Variants in DSCAM observed in about 807,000 individuals in gnomAD.
DSCAM encodes DS cell adhesion molecule, also known as cell adhesion molecule DSCAM.
A neutral mutation model predicts 217.7 loss-of-function variants in DSCAM; 47 were observed. That is an observed-to-expected ratio of 0.22 (90% CI 0.17 to 0.28). The LOEUF is 0.28. DSCAM is among the 10% of genes least tolerant of loss of function. The probability of loss-of-function intolerance (pLI) is 1.00; values close to 1 mark genes in which losing one functional copy is unlikely to be tolerated. For missense variants in DSCAM, 2,080 were observed against 2,618.3 expected, an observed-to-expected ratio of 0.79 and a Z score of 4.49; for synonymous variants, 1,056 against 1,015.3, an observed-to-expected ratio of 1.04 and a Z score of -0.76.
chr21:40,055,535 A>C (rs921629997), intron 29 of DSCAM, among the ~76,000 whole-genome samples, 190 bp downstream of exon 29: 12 of 152,328 alleles, frequency 7.9e-5, no homozygotes, highest in Middle Eastern at 3.4e-3. Flanking sequence ...GGTATATATA[A>C]GTCAAATTTT....
Position 40,677,264 on chromosome 21 carries a change from A to G in DSCAM, c.508+15546T>C, listed in dbSNP as rs138704562. Among the ~76,000 whole-genome samples the G allele has an allele frequency of 1.0e-3, 157 of 152,304 alleles. 2 individuals are homozygous for G. The highest frequency in any genetic ancestry group is 5.3e-3 in the Admixed American group (81 of 15,298). ...AGCAGAGGAAACCAGGACAAATAAG[A>G]GATCAGAGAAAAGAGTGTGGCTGAA... On this transcript the variant is annotated intron_variant, in intron 3 of 32. Coordinates refer to ENST00000400454, the MANE Select transcript of DSCAM (RefSeq NM_001389.5).
At chr21:40,190,929 C>A (rs1031908312) in intron 11 of DSCAM, among the ~76,000 whole-genome samples, 1 of 152,292 alleles carries the variant, frequency 6.6e-6, no homozygotes, top group East Asian at 1.9e-4. Flanking sequence ...GATAAAGGAA[C>A]AAGATGTTAA....
intron 3 of DSCAM, among the ~76,000 whole-genome samples, chr21:40,399,641 A>G (rs2075215689): frequency 6.6e-6 from 1 of 152,242 alleles, no homozygotes; most frequent in Non-Finnish European, 1.5e-5. Flanking sequence ...CAAGCATCAT[A>G]TTAATTTAGT....
rs575632675 is a variant in DSCAM at position 40,590,914 on chromosome 21, T to C, written c.508+101896A>G. On this transcript the variant is annotated intron_variant, in intron 3 of 32. Coordinates refer to ENST00000400454, the MANE Select transcript of DSCAM (RefSeq NM_001389.5). ...CTGCCTTAGTTTGTCCAGGCTGCTA[T>C]AACAAAATGCCATGGCTTATTGATA... Among the ~76,000 whole-genome samples, 134 of 152,272 alleles carry C rather than the reference T, an allele frequency of 8.8e-4. 3 individuals carry two copies. In the Middle Eastern group the frequency reaches 0.01, roughly 12 times the overall value.
chr21:40,624,046 C>G (rs1359081997), intron 3 of DSCAM, among the ~76,000 whole-genome samples: 1 of 151,834 alleles, frequency 6.6e-6, no homozygotes, highest in African/African-American at 2.4e-5. Context: ...GTTTTTTTTG[C>G]CCTGTGTTCT....
intron 32 of DSCAM, among the ~76,000 whole-genome samples, chr21:40,015,651 G>T (rs535143222): frequency 1.3e-5 from 2 of 152,088 alleles, no homozygotes; most frequent in East Asian, 1.9e-4. Context: ...TTCCCAGGCT[G>T]GTCTCAAACT....
intron 11 of DSCAM, among the ~76,000 whole-genome samples, chr21:40,250,808 C>A (rs985079228): frequency 3.3e-5 from 5 of 152,204 alleles, no homozygotes; most frequent in Non-Finnish European, 7.3e-5. Flanking sequence ...ATTAAGCACT[C>A]TTCAATAAAG....
chr21:40,591,164 G>A (rs935582548), intron 3 of DSCAM, among the ~76,000 whole-genome samples: 8 of 152,202 alleles, frequency 5.3e-5, no homozygotes, highest in African/African-American at 1.4e-4. Context: ...ACCTTGTGAA[G>A]AAGGTGCCTT....
chr21:40,043,188 G>A (rs983127562), intron 31 of DSCAM, among the ~76,000 whole-genome samples: 3 of 152,180 alleles, frequency 2.0e-5, no homozygotes, highest in Admixed American at 6.5e-5. Flanking sequence ...CCTGGGATGC[G>A]TCTTCTGTTG....
At chr21:40,579,666 AAAGTT>A (rs2076887600) in intron 3 of DSCAM, among the ~76,000 whole-genome samples, 1 of 152,238 alleles carries the variant, frequency 6.6e-6, no homozygotes, top group South Asian at 2.1e-4. Flanking sequence ...GATTACTGAC[AAAGTT>A]AAGATCGTCG....
intron 24 of DSCAM, among the ~76,000 whole-genome samples, chr21:40,083,482 T>A (rs1408233855): frequency 4.6e-5 from 7 of 152,224 alleles, no homozygotes; most frequent in African/African-American, 1.7e-4. Context: ...ATGAACTAAT[T>A]GCAAAGGTTT....
intron 11 of DSCAM, among the ~76,000 whole-genome samples, chr21:40,272,323 C>G (rs778049965): frequency 2.6e-5 from 4 of 152,102 alleles, no homozygotes; most frequent in Admixed American, 6.5e-5. Context: ...ATTGTGATGA[C>G]AGTGTAGACT....
At chr21:40,363,336 T>G (rs1388284660) in intron 4 of DSCAM, among the ~76,000 whole-genome samples, 1 of 140,872 alleles carries the variant, frequency 7.1e-6, no homozygotes, top group Admixed American at 7.8e-5. Context: ...CACTGCAACC[T>G]CTGCCTCCTG....
Position 40,708,766 on chromosome 21 carries a change from T to A in DSCAM, c.49A>T (p.Ser17Cys), listed in dbSNP as rs749028191. ...TAGAGGCTGGAGTGTAGGTCTTCACTGAAAACTGCAAGAAGACAACACAGG... is the reference window on the plus strand; with the variant it reads ...TAGAGGCTGGAGTGTAGGTCTTCACAGAAAACTGCAAGAAGACAACACAGG... ...SLFQSFANVF[S>C]EDLHSSLYFV... The change falls in exon 2 of 33, where the codon AGT becomes TGT. Residue 17 changes from serine (S) to cysteine (C), a missense_variant. Physicochemically the swap from Ser to Cys is moderately radical, Grantham distance 112. Coordinates refer to ENST00000400454, the MANE Select transcript of DSCAM (RefSeq NM_001389.5). The A allele has an allele frequency of 6.5e-7, 1 of 1,548,826 alleles. No homozygotes were observed. The highest frequency in any genetic ancestry group is 1.3e-5 in the South Asian group (1 of 79,876).
rs755201521 is a variant in DSCAM at position 40,620,123 on chromosome 21, AAG to A, written c.508+72685_508+72686del. Among the ~76,000 whole-genome samples, 11 of 112,464 alleles carry A rather than the reference AAG, an allele frequency of 9.8e-5. No individual in the cohort carries two copies. The East Asian group carries it at 1.1e-3, about 11-fold the overall frequency. The allele number at this position is 112,464 out of a possible 152,430, so 73.8% of individuals were successfully genotyped here. A position where few individuals can be genotyped will look rare whatever the true frequency, so the allele number is the denominator to read the frequency against. On this transcript the variant is annotated intron_variant, in intron 3 of 32. Coordinates refer to ENST00000400454, the MANE Select transcript of DSCAM (RefSeq NM_001389.5). ...GAGAGAGAAAAAAGAAAAAGAAAGA[AAG>A]AGAGAGAGAAAGAGAGAGAAAAAAG...
intron 3 of DSCAM, among the ~76,000 whole-genome samples, chr21:40,578,275 C>T (rs1000337520): frequency 4.6e-5 from 7 of 152,082 alleles, no homozygotes; most frequent in African/African-American, 1.4e-4. Context: ...TTCACTGTAG[C>T]AATAGGAGGT....
chr21:40,040,497 T>G (rs1312814584), intron 32 of DSCAM, among the ~76,000 whole-genome samples: 1 of 152,152 alleles, frequency 6.6e-6, no homozygotes, highest in African/African-American at 2.4e-5. Flanking sequence ...GCATGCTATC[T>G]CAGGTGGAAA....
intron 11 of DSCAM, among the ~76,000 whole-genome samples, chr21:40,235,103 A>C (rs1268581825): frequency 1.3e-5 from 2 of 152,254 alleles, no homozygotes; most frequent in African/African-American, 4.8e-5. Flanking sequence ...TGCAAGAAAC[A>C]AAAATTAGCA....
chr21:40,187,855 G>T, intron 13 of DSCAM, 36 bp downstream of exon 13: 1 of 1,554,962 alleles, frequency 6.4e-7, no homozygotes, highest in Non-Finnish European at 8.9e-7. Flanking sequence ...ATCCTGAAAT[G>T]ACTGTGTTTA....
Sources: allele counts gnomAD v4.1 joint callset (sites outside exome capture counted in the v4.1 genomes callset), GRCh38; gene constraint gnomAD v4.1.1; transcripts MANE v1.5; gene names NCBI Gene and HGNC (gene_info 2026-07-23, HGNC 2026-07-21).